ATF7IP2: variants seen among roughly 807,000 people sequenced by gnomAD.
The protein encoded by ATF7IP2 is activating transcription factor 7 interacting protein 2, also known as activating transcription factor 7-interacting protein 2.
ATF7IP2 carries 42 observed loss-of-function variants against 64.2 expected under a neutral mutation model. That is an observed-to-expected ratio of 0.65 (90% CI 0.51 to 0.85). The LOEUF (loss-of-function observed/expected upper bound fraction) is 0.85, where lower values mean the gene tolerates loss of function less well. Among genes scored for constraint, ATF7IP2 ranks in the 40% least tolerant of loss-of-function variants. ATF7IP2 has a pLI of 0.00. For missense variants in ATF7IP2, 933 were observed against 784.2 expected (o/e 1.19, Z -2.27); for synonymous variants, 308 against 272.8 (o/e 1.13, Z -1.27).
intron 1 of ATF7IP2, among the ~76,000 whole-genome samples, chr16:10,396,919 G>C (rs927027544): frequency 1.3e-5 from 2 of 151,932 alleles, no homozygotes; most frequent in Non-Finnish European, 2.9e-5. Flanking sequence ...CTCCTGCTTT[G>C]ACCTCCCAAA....
chr16:10,400,110 G>A (rs62025933), intron 1 of ATF7IP2, among the ~76,000 whole-genome samples: 27,142 of 151,976 alleles, frequency 0.18, 2,548 homozygotes, highest in South Asian at 0.24. Flanking sequence ...GCACAATCTC[G>A]GCCCACTGCA....
At chr16:10,452,899 T>C (rs552801898) in intron 8 of ATF7IP2, among the ~76,000 whole-genome samples, 5 of 152,240 alleles carry the variant, frequency 3.3e-5, no homozygotes, top group African/African-American at 9.6e-5. Flanking sequence ...GGAAACCGCC[T>C]ACTCAAGCCT....
At chr16:10,414,380 A>G (rs1247053217) in intron 1 of ATF7IP2, among the ~76,000 whole-genome samples, 194 bp from the exon 2 acceptor site, 1 of 151,688 alleles carries the variant, frequency 6.6e-6, no homozygotes, top group African/African-American at 2.4e-5. Flanking sequence ...GACTTTCTAG[A>G]GCATTTTGCA....
chr16:10,412,740 G>T (rs934910206), intron 1 of ATF7IP2, among the ~76,000 whole-genome samples: 8 of 152,128 alleles, frequency 5.3e-5, no homozygotes, highest in Non-Finnish European at 1.0e-4. Flanking sequence ...TTGACTTTCT[G>T]TCTTAATGAC....
chr16:10,387,150 A>C (rs1190329050), intron 1 of ATF7IP2: 1 of 152,254 alleles, frequency 6.6e-6, no homozygotes, highest in Non-Finnish European at 1.5e-5. Flanking sequence ...GTAGCCAGTA[A>C]ATGACCTGCG....
chr16:10,431,595 G>C, intron 5 of ATF7IP2, 140 bp downstream of exon 5: 1 of 593,406 alleles, frequency 1.7e-6, no homozygotes, highest in South Asian at 3.1e-5. Context: ...TCTTGTTTCT[G>C]AACCATTCTT....
chr16:10,442,695 A>C (rs1596527559), intron 8 of ATF7IP2, among the ~76,000 whole-genome samples: 1 of 152,248 alleles, frequency 6.6e-6, no homozygotes, highest in East Asian at 1.9e-4. Flanking sequence ...GATGAAGGTA[A>C]AACATTGGGT....
At chr16:10,431,980 C>T (rs1050413332) in intron 5 of ATF7IP2, among the ~76,000 whole-genome samples, 27 of 144,646 alleles carry the variant, frequency 1.9e-4, no homozygotes, top group Admixed American at 7.8e-4. Flanking sequence ...GGCACCACTA[C>T]GCCCGGCTAA....
intron 9 of ATF7IP2, among the ~76,000 whole-genome samples, chr16:10,470,975 G>T (rs2049779704): frequency 6.6e-6 from 1 of 152,048 alleles, no homozygotes; most frequent in Non-Finnish European, 1.5e-5. Flanking sequence ...CTATAAAGGT[G>T]TAGTATTAAG....
intron 8 of ATF7IP2, chr16:10,446,155 G>A (rs2141958301): frequency 6.6e-6 from 1 of 152,216 alleles, no homozygotes; most frequent in Non-Finnish European, 1.5e-5. Flanking sequence ...ATAAATAAGT[G>A]CTGCCCTGTT....
intron 1 of ATF7IP2, among the ~76,000 whole-genome samples, chr16:10,394,188 A>G (rs916225889): frequency 6.6e-6 from 1 of 152,194 alleles, no homozygotes; most frequent in African/African-American, 2.4e-5. Flanking sequence ...GCTGAAAGTA[A>G]AAGGATAGAT....
chr16:10,429,587 G>A (rs1165448323), intron 4 of ATF7IP2, among the ~76,000 whole-genome samples: 2 of 152,238 alleles, frequency 1.3e-5, no homozygotes, highest in East Asian at 3.9e-4. Flanking sequence ...GACCTCAGGT[G>A]ATCCACCTGC....
chr16:10,440,174 TTTTA>T (rs956110480), intron 7 of ATF7IP2, among the ~76,000 whole-genome samples, 186 bp from the exon 8 acceptor site: 1 of 151,846 alleles, frequency 6.6e-6, no homozygotes, highest in African/African-American at 2.4e-5. Flanking sequence ...AAAAAATTTT[TTTTA>T]TTTATATATA....
chr16:10,445,839 CTT>C (rs1567472951), intron 8 of ATF7IP2: 1 of 152,186 alleles, frequency 6.6e-6, no homozygotes. Flanking sequence ...GTGATTAACT[CTT>C]TGTGAACTAG....
intron 6 of ATF7IP2, among the ~76,000 whole-genome samples, chr16:10,434,321 G>T (rs1422605822): frequency 1.3e-5 from 2 of 152,118 alleles, no homozygotes; most frequent in Non-Finnish European, 2.9e-5. Context: ...GGGTTTTGAT[G>T]ACCATGTTTT....
intron 1 of ATF7IP2, among the ~76,000 whole-genome samples, chr16:10,399,655 T>C (rs1431560590): frequency 3.3e-5 from 5 of 152,252 alleles, no homozygotes; most frequent in African/African-American, 7.2e-5. Context: ...TAGCTTAGGA[T>C]TGCTTTGGCT....
At chr16:10,432,728 C>G (rs1339313176) in intron 5 of ATF7IP2, among the ~76,000 whole-genome samples, 1 of 152,086 alleles carries the variant, frequency 6.6e-6, no homozygotes, top group African/African-American at 2.4e-5. Context: ...AAAAATTAGC[C>G]AGGCGTGGTG....
At chr16:10,470,486 CTG>C (rs1011498037) in intron 9 of ATF7IP2, among the ~76,000 whole-genome samples, 3 of 152,106 alleles carry the variant, frequency 2.0e-5, no homozygotes, top group African/African-American at 4.8e-5. Context: ...AAGTAACAAA[CTG>C]ATTAAAAACT....
intron 1 of ATF7IP2, among the ~76,000 whole-genome samples, chr16:10,401,677 G>A (rs1051244630): frequency 6.6e-6 from 1 of 151,502 alleles, no homozygotes; most frequent in Non-Finnish European, 1.5e-5. Flanking sequence ...AGTTTCAAGA[G>A]GATTGGTATT....
Sources: allele counts gnomAD v4.1 joint callset (sites outside exome capture counted in the v4.1 genomes callset), GRCh38; gene constraint gnomAD v4.1.1; transcripts MANE v1.5; gene names NCBI Gene and HGNC (gene_info 2026-07-23, HGNC 2026-07-21).